Variants in ABTB2 observed in about 807,000 individuals in gnomAD.
The protein encoded by ABTB2 is ankyrin repeat and BTB/POZ domain-containing protein 2.
A neutral mutation model predicts 104.1 loss-of-function variants in ABTB2; 56 were observed. The observed-to-expected ratio is 0.54, with a 90% CI of 0.43 to 0.67. ABTB2 has a LOEUF of 0.67. Ranked by LOEUF, ABTB2 falls within the 30% of genes least tolerant of loss-of-function variation. ABTB2 has a pLI of 0.00. For missense variants in ABTB2, 1,279 were observed against 1,407.7 expected, an observed-to-expected ratio of 0.91 and a Z score of 1.46; for synonymous variants, 606 against 608.2, an observed-to-expected ratio of 1.00 and a Z score of 0.05.
At chr11:34,167,385 T>C in intron 6 of ABTB2, 25 bp from the exon 7 acceptor site, 1 of 1,600,896 alleles carries the variant, frequency 6.2e-7, no homozygotes. Context: ...AAATCATCTG[T>C]GTTTTCTGGG....
At chr11:34,244,355 A>C (rs1413477135) in intron 1 of ABTB2, among the ~76,000 whole-genome samples, 1 of 152,204 alleles carries the variant, frequency 6.6e-6, no homozygotes, top group Non-Finnish European at 1.5e-5. Flanking sequence ...TAGTGGGAAA[A>C]GCAGATCAGC....
chr11:34,161,668 G>C (rs148276610), intron 10 of ABTB2, among the ~76,000 whole-genome samples: 332 of 152,310 alleles, frequency 2.2e-3, no homozygotes, highest in African/African-American at 7.6e-3. Context: ...CTGTTTTACA[G>C]TTCCCCAGCA....
intron 1 of ABTB2, among the ~76,000 whole-genome samples, chr11:34,248,864 C>CTCACGCCTGTAATCCCAGCA (rs1854018296): frequency 6.6e-6 from 1 of 152,246 alleles, no homozygotes; most frequent in Non-Finnish European, 1.5e-5. Flanking sequence ...GGCGCGGTGG[C>CTCACGCCTGTAATCCCAGCA]TCACGCCTGT....
chr11:34,182,637 T>C (rs1853045031), intron 3 of ABTB2, among the ~76,000 whole-genome samples: 1 of 152,092 alleles, frequency 6.6e-6, no homozygotes, highest in Admixed American at 6.5e-5. Context: ...TGATTTCCCT[T>C]GTGTCTCCCC....
chr11:34,237,312 G>C (rs1044052475), intron 1 of ABTB2, among the ~76,000 whole-genome samples: 1 of 127,198 alleles, frequency 7.9e-6, no homozygotes, highest in Admixed American at 1.0e-4. Flanking sequence ...ACCGAGTCTC[G>C]CTCTATTGCC....
intron 1 of ABTB2, among the ~76,000 whole-genome samples, chr11:34,237,706 C>G (rs1309772923): frequency 6.6e-6 from 1 of 152,128 alleles, no homozygotes; most frequent in Non-Finnish European, 1.5e-5. Flanking sequence ...ACCAGCCTGA[C>G]ATGGTGAAAC....
intron 3 of ABTB2, among the ~76,000 whole-genome samples, chr11:34,184,595 G>C (rs1430904271): frequency 6.6e-6 from 1 of 152,236 alleles, no homozygotes; most frequent in Non-Finnish European, 1.5e-5. Flanking sequence ...ACGGCAGGGA[G>C]AGCTCCTAGC....
At chr11:34,333,648 C>T (rs140763818) in intron 1 of ABTB2, among the ~76,000 whole-genome samples, 2 of 152,166 alleles carry the variant, frequency 1.3e-5, no homozygotes, top group Non-Finnish European at 2.9e-5. Flanking sequence ...CCCAGCTACT[C>T]GGGAGGCTGA....
chr11:34,160,324 G>A lies in ABTB2; in HGVS notation c.2427C>T (p.Thr809=). The stretch of plus-strand genomic sequence containing the variant: ...TGCTGCCATAGCAGTGGGTGAAGAT[G>A]GTAGCCAGTTGCTGGATGACGGAGT... ...KNDSVIQQLA[T]IFTHCYGSSP... Residue 809 remains threonine (T), a synonymous_variant, in exon 12 of 17, where the codon ACC becomes ACT. Transcript: ENST00000435224. 5 of 1,614,172 alleles carry A rather than the reference G, an allele frequency of 3.1e-6. No individual in the cohort carries two copies. The highest frequency in any genetic ancestry group is 4.2e-6 in the Non-Finnish European group (5 of 1,180,004).
intron 1 of ABTB2, among the ~76,000 whole-genome samples, chr11:34,216,472 C>T (rs7949361): frequency 0.18 from 27,775 of 152,010 alleles, 2,621 homozygotes; most frequent in East Asian, 0.26. Context: ...CATTCAAGGC[C>T]GGGTGCAGTG....
At chr11:34,327,518 C>A (rs950505264) in intron 1 of ABTB2, among the ~76,000 whole-genome samples, 1 of 152,112 alleles carries the variant, frequency 6.6e-6, no homozygotes, top group Non-Finnish European at 1.5e-5. Context: ...CACCCCAGTT[C>A]CTTTCCACTC....
At chr11:34,275,373 T>G (rs1854371212) in intron 1 of ABTB2, among the ~76,000 whole-genome samples, 1 of 152,130 alleles carries the variant, frequency 6.6e-6, no homozygotes, top group Non-Finnish European at 1.5e-5. Context: ...GGGAAAAACA[T>G]CCAGCCCTGC....
Position 34,164,696 on chromosome 11 carries a change from G to C in ABTB2, c.1978C>G (p.His660Asp). The C allele has an allele frequency of 1.3e-6, 2 of 1,517,900 alleles. No individual in the cohort carries two copies. The highest frequency in any genetic ancestry group is 1.8e-6 in the Non-Finnish European group (2 of 1,141,638). 94.0% of individuals were successfully genotyped at this position (1,517,900 alleles called of 1,614,324 possible). Reference protein sequence around the residue: ...DMNCFSHSAAHGHRNVLRKLL... With the variant: ...DMNCFSHSAADGHRNVLRKLL... ...ATCCCGGGCAGGTACCTGTGGCCGTGGGCAGCTGAGTGGCTGAAGCAGTTC... is the reference window on the plus strand; with the variant it reads ...ATCCCGGGCAGGTACCTGTGGCCGTCGGCAGCTGAGTGGCTGAAGCAGTTC... Residue 660 changes from histidine (H) to aspartate (D), a missense_variant, in exon 9 of 17, where the codon CAC becomes GAC. Physicochemically the swap from His to Asp is moderately conservative, Grantham distance 81. Coordinates refer to ENST00000435224, the MANE Select transcript of ABTB2 (RefSeq NM_145804.3).
chr11:34,274,560 TACACAC>T (rs3830969), intron 1 of ABTB2, among the ~76,000 whole-genome samples: 4 of 146,382 alleles, frequency 2.7e-5, no homozygotes, highest in Non-Finnish European at 5.9e-5. Context: ...GATTGGAATA[TACACAC>T]ACACACACAC....
intron 1 of ABTB2, among the ~76,000 whole-genome samples, chr11:34,208,207 C>T (rs935187627): frequency 6.6e-6 from 1 of 152,128 alleles, no homozygotes; most frequent in Non-Finnish European, 1.5e-5. Flanking sequence ...TCTAGCATAA[C>T]GGGCCCAGGG....
At position 34,356,979 on chromosome 11, in the gene ABTB2, C is replaced by A; in HGVS notation, c.605G>T (p.Gly202Val). The change falls in exon 1 of 17, where the codon GGC becomes GTC. Residue 202 changes from glycine to valine, a missense_variant. Coordinates refer to ENST00000435224, the MANE Select transcript of ABTB2 (RefSeq NM_145804.3). The surrounding 1 kb of genome is among the most constrained non-coding windows in gnomAD (Gnocchi z 4.6). ...GLRRGKSARCGLTFSVGRFFR... is the reference protein window; with the variant it reads ...GLRRGKSARCVLTFSVGRFFR... ...AAAGCGACCCACTGAGAAGGTGAGG[C>A]CGCAGCGCGCGGACTTGCCCCGGCG... The A allele has an allele frequency of 2.5e-6, 4 of 1,591,670 alleles. No individual in the cohort carries two copies. The highest frequency in any genetic ancestry group is 3.4e-6 in the Non-Finnish European group (4 of 1,170,706).
intron 2 of ABTB2, among the ~76,000 whole-genome samples, chr11:34,199,169 T>A (rs1590214583): frequency 6.6e-6 from 1 of 152,352 alleles, no homozygotes; most frequent in Non-Finnish European, 1.5e-5. Flanking sequence ...TGCTGAGGCT[T>A]GATTTGAGCT....
intron 3 of ABTB2, among the ~76,000 whole-genome samples, chr11:34,178,198 G>GT (rs55726789): frequency 1 from 152,337 of 152,340 alleles, 76,167 homozygotes; most frequent in Middle Eastern, 1. Context: ...CTCTGGGGAG[G>GT]GGCTGGTGCC....
rs928353310 is a variant in ABTB2 at position 34,357,842 on chromosome 11, T to A, written c.-259A>T. The A allele has an allele frequency of 1.1e-5, 5 of 454,482 alleles. No individual in the cohort carries two copies. Among genetic ancestry groups the A allele is most frequent in the Admixed American group, 3.8e-5 (1 of 26,050 alleles). 28.2% of individuals were successfully genotyped at this position (454,482 alleles called of 1,614,324 possible). ...GAACCCCGTCGCTACCCCCCGGCAC[T>A]CCCCCTTGTCCACCTCTAATTCCCA... On this transcript the variant is annotated 5_prime_UTR_variant, in exon 1 of 17. Coordinates refer to ENST00000435224, the MANE Select transcript of ABTB2 (RefSeq NM_145804.3).
Sources: gnomAD v4.1 joint callset for allele counts (sites outside exome capture counted in the v4.1 genomes callset) on GRCh38, gnomAD v4.1.1 for gene constraint, Gnocchi (gnomAD v3.1) non-coding constraint, MANE v1.5 for transcripts, NCBI Gene and HGNC (gene_info 2026-07-23, HGNC 2026-07-21) for gene names.